The following MPPED2 variants were observed in gnomAD, a reference collection of about 807,000 sequenced individuals.
MPPED2 encodes metallophosphoesterase domain containing 2.
In MPPED2, 5 loss-of-function variants were observed where a neutral mutation model predicts 33.0. The observed-to-expected ratio is 0.15, with a 90% confidence interval of 0.08 to 0.32. The LOEUF is 0.32. Ranked by LOEUF, MPPED2 falls within the 10% of genes least tolerant of loss-of-function variation. The pLI, the probability that MPPED2 is intolerant of heterozygous loss-of-function variation, is 1.00. For synonymous variants in MPPED2, 136 were observed against 141.9 expected (o/e 0.96, Z 0.29); for missense variants, 275 against 372.1 (o/e 0.74, Z 2.15).
At chr11:30,537,770 T>A (rs573321879) in intron 2 of MPPED2, among the ~76,000 whole-genome samples, 1 of 152,276 alleles carries the variant, frequency 6.6e-6, no homozygotes, top group Admixed American at 6.5e-5. Context: ...ATTAATGGAT[T>A]TTTTCTGTTA....
chr11:30,513,915 G>A (rs1226183155), intron 3 of MPPED2, among the ~76,000 whole-genome samples: 1 of 152,138 alleles, frequency 6.6e-6, no homozygotes, highest in Non-Finnish European at 1.5e-5. Context: ...TCAGTCACTG[G>A]CCAAGCCTCA....
chr11:30,486,170 C>T (rs1049004780), intron 4 of MPPED2, among the ~76,000 whole-genome samples: 3 of 152,184 alleles, frequency 2.0e-5, no homozygotes, highest in Admixed American at 2.0e-4. Context: ...ATCTGAGCCA[C>T]AGAGGAGAAA....
intron 4 of MPPED2, among the ~76,000 whole-genome samples, chr11:30,446,799 T>C (rs772575282): frequency 6.6e-6 from 1 of 152,038 alleles, no homozygotes; most frequent in Non-Finnish European, 1.5e-5. Flanking sequence ...GCCAAGACTG[T>C]CGGAGCCCCC....
chr11:30,404,042 T>C (rs1044764889), intron 6 of MPPED2, among the ~76,000 whole-genome samples: 3 of 152,206 alleles, frequency 2.0e-5, no homozygotes, highest in Non-Finnish European at 4.4e-5. Flanking sequence ...TTTCTCATCA[T>C]CCAACCCTAG....
chr11:30,534,474 A>T (rs1170937294), intron 3 of MPPED2, among the ~76,000 whole-genome samples: 1 of 152,208 alleles, frequency 6.6e-6, no homozygotes, highest in Non-Finnish European at 1.5e-5. Context: ...GTCATCTGTA[A>T]AAATGAGATT....
chr11:30,515,590 T>C (rs1383609969), intron 3 of MPPED2, among the ~76,000 whole-genome samples: 2 of 152,190 alleles, frequency 1.3e-5, no homozygotes, highest in African/African-American at 2.4e-5. Flanking sequence ...CAAGTAGGTA[T>C]GCAAAACAGC....
In MPPED2 at chr11:30,410,680, C is replaced by A; in HGVS notation, c.*788G>T. 10 of 984,986 alleles carry A rather than the reference C, an allele frequency of 1.0e-5. No individual in the cohort carries two copies. The highest frequency in any genetic ancestry group is 1.2e-5 in the Non-Finnish European group (10 of 829,134). The allele number at this position is 984,986 out of a possible 1,614,324, so 61.0% of individuals were successfully genotyped here. ...GTACTGTCCTTGACAATAATAAACTCCTAACGTAGTCATAATACACAAAAA... is the reference window on the plus strand; with the variant it reads ...GTACTGTCCTTGACAATAATAAACTACTAACGTAGTCATAATACACAAAAA... On this transcript the variant is annotated 3_prime_UTR_variant, in exon 7 of 7. Transcript: ENST00000358117.
intron 4 of MPPED2, among the ~76,000 whole-genome samples, chr11:30,463,850 T>TTA (rs3064881): frequency 0.064 from 9,618 of 150,628 alleles, 348 homozygotes; most frequent in South Asian, 0.17. Context: ...AACTGTTATT[T>TTA]TATATATATA....
At chr11:30,481,831 AT>A (rs548816566) in intron 4 of MPPED2, among the ~76,000 whole-genome samples, 1 of 151,962 alleles carries the variant, frequency 6.6e-6, no homozygotes, top group African/African-American at 2.4e-5. Context: ...AAGAAAACAC[AT>A]TTTTTCAGCT....
At chr11:30,455,872 G>T (rs964227855) in intron 4 of MPPED2, among the ~76,000 whole-genome samples, 1 of 152,212 alleles carries the variant, frequency 6.6e-6, no homozygotes, top group Non-Finnish European at 1.5e-5. Context: ...CCTGACAGCC[G>T]TTCTGCTCTG....
intron 2 of MPPED2, among the ~76,000 whole-genome samples, chr11:30,572,926 G>A (rs573811872): frequency 6.6e-6 from 1 of 152,334 alleles, no homozygotes; most frequent in African/African-American, 2.4e-5. Flanking sequence ...AAAAGGGGAA[G>A]AGATGATGCT....
In MPPED2 at chr11:30,425,906, G is replaced by A. The variant is rs77354462; in HGVS notation, c.537-8273C>T. Among the ~76,000 whole-genome samples the A allele has an allele frequency of 0.012, 1,854 of 152,250 alleles. 121 individuals are homozygous for A. In the East Asian group the frequency reaches 0.21, roughly 17 times the overall value. Reference sequence around the variant, plus strand: ...GCTTAACAGATGGAGAGAAGTAGACGTAAAGAAAAGGGATATTTGTCTTCT... The same window carrying A: ...GCTTAACAGATGGAGAGAAGTAGACATAAAGAAAAGGGATATTTGTCTTCT... On this transcript the variant is annotated intron_variant, in intron 4 of 6. Coordinates refer to ENST00000358117, the MANE Select transcript of MPPED2 (RefSeq NM_001584.3).
At chr11:30,481,212 C>T (rs916298984) in intron 4 of MPPED2, among the ~76,000 whole-genome samples, 1 of 152,028 alleles carries the variant, frequency 6.6e-6, no homozygotes, top group African/African-American at 2.4e-5. Context: ...ATGAATAATG[C>T]CTTATTTTCT....
intron 5 of MPPED2, among the ~76,000 whole-genome samples, chr11:30,416,601 C>T (rs147864071): frequency 2.4e-3 from 366 of 152,168 alleles, no homozygotes; most frequent in Non-Finnish European, 4.0e-3. Context: ...TAGCATTGTA[C>T]ACTGAAAAAT....
chr11:30,384,157 A>G (rs1330964731), downstream of MPPED2, among the ~76,000 whole-genome samples: 2 of 151,896 alleles, frequency 1.3e-5, no homozygotes, highest in African/African-American at 4.8e-5. Context: ...GATTACAAAA[A>G]ACAAAGACAC....
intron 6 of MPPED2, among the ~76,000 whole-genome samples, chr11:30,413,595 G>T (rs1327177961): frequency 1.3e-5 from 2 of 152,204 alleles, no homozygotes; most frequent in Non-Finnish European, 2.9e-5. Context: ...ATTTAAGAGA[G>T]ATTTAATTAT....
chr11:30,478,021 A>G (rs1951304533), intron 4 of MPPED2, among the ~76,000 whole-genome samples: 1 of 152,028 alleles, frequency 6.6e-6, no homozygotes, highest in Non-Finnish European at 1.5e-5. Flanking sequence ...CTCCTGCCCA[A>G]AAGAGTATGG....
intron 4 of MPPED2, among the ~76,000 whole-genome samples, chr11:30,446,581 C>T (rs1949819583): frequency 6.6e-6 from 1 of 152,162 alleles, no homozygotes; most frequent in South Asian, 2.1e-4. Context: ...CTCTGCAAGG[C>T]TGTTTTATTC....
chr11:30,520,760 G>T (rs571827940), intron 3 of MPPED2, among the ~76,000 whole-genome samples: 63 of 152,204 alleles, frequency 4.1e-4, no homozygotes, highest in African/African-American at 1.5e-3. Flanking sequence ...AAATAGGGGA[G>T]AATTTTATGA....
Sources: allele counts gnomAD v4.1 joint callset (sites outside exome capture counted in the v4.1 genomes callset), GRCh38; gene constraint gnomAD v4.1.1; transcripts MANE v1.5; gene names NCBI Gene and HGNC (gene_info 2026-07-23, HGNC 2026-07-21).